The following RYR1 variants were observed in gnomAD, a reference collection of about 807,000 sequenced individuals.
The protein encoded by RYR1 is central core disease of muscle.
Under a neutral mutation model 583.5 loss-of-function variants are expected in RYR1, and 342 were observed. The observed-to-expected ratio is 0.59, with a 90% CI of 0.54 to 0.64. The LOEUF (loss-of-function observed/expected upper bound fraction) is 0.64, where lower values mean the gene tolerates loss of function less well. RYR1 is among the 30% of genes least tolerant of loss of function. The pLI is 0.00. For synonymous variants in RYR1, 2,791 were observed against 2,822.5 expected, an observed-to-expected ratio of 0.99 and a Z score of 0.35; for missense variants, 6,032 against 6,917.2, an observed-to-expected ratio of 0.87 and a Z score of 4.54.
At chr19:38,569,784 A>AGGG (rs1197539718) in intron 93 of RYR1, among the ~76,000 whole-genome samples, 1 of 152,148 alleles carries the variant, frequency 6.6e-6, no homozygotes, top group African/African-American at 2.4e-5. Context: ...AGTAGTGCCC[A>AGGG]CTTCACAGGG....
chr19:38,504,151 G>A, intron 49 of RYR1, 69 bp from the exon 50 acceptor site: 2 of 1,523,494 alleles, frequency 1.3e-6, no homozygotes, highest in Non-Finnish European at 1.8e-6. Flanking sequence ...GTGTCTCTCT[G>A]GGCCTTCGTC....
At chr19:38,544,758 T>C (rs1972351029) in intron 87 of RYR1, among the ~76,000 whole-genome samples, 1 of 152,228 alleles carries the variant, frequency 6.6e-6, no homozygotes, top group African/African-American at 2.4e-5. Context: ...GTTGGTATCC[T>C]AAAATTCTAG....
rs80062847 is a variant in RYR1 at position 38,452,633 on chromosome 19, C to A, written c.1245-186C>A. 1.5e-3 allele frequency among the ~76,000 whole-genome samples: 224 copies of A among 152,302 alleles called. 3 individuals carry two copies. The East Asian group carries it at 0.033, about 23-fold the overall frequency. ...CCCCTGTACCTACACAGGAGCGAGT[C>A]CCAGTCCCAGCTCTGCCCTTGGCCA... On this transcript the variant is annotated intron_variant, in intron 12 of 105. Transcript: ENST00000359596.
Position 38,444,871 on chromosome 19 carries a change from G to A in RYR1, c.631+194G>A, listed in dbSNP as rs186039782. Among the ~76,000 whole-genome samples the A allele has an allele frequency of 2.8e-5, 4 of 143,856 alleles. No homozygotes were observed. The highest frequency in any genetic ancestry group is 7.0e-5 in the Admixed American group (1 of 14,228). 94.4% of individuals were successfully genotyped at this position (143,856 alleles called of 152,430 possible). Reference sequence around the variant, plus strand: ...AGAGCTCAGAACCCCCCCAAACCCCGAACTAAATATCAGGCTCCCAAACTT... The same window carrying A: ...AGAGCTCAGAACCCCCCCAAACCCCAAACTAAATATCAGGCTCCCAAACTT... On this transcript the variant is annotated intron_variant, in intron 7 of 105. Transcript: ENST00000359596. The surrounding 1 kb of genome is among the most constrained non-coding windows in gnomAD (Gnocchi z 5.1).
intron 1 of RYR1, among the ~76,000 whole-genome samples, chr19:38,436,006 T>C (rs1328411156): frequency 6.6e-6 from 1 of 151,408 alleles, no homozygotes; most frequent in African/African-American, 2.5e-5. Flanking sequence ...CCTCCTGGGT[T>C]CAAGCGATTC....
At chr19:38,466,043 G>C (rs1368210230) in intron 23 of RYR1, 48 bp from the exon 24 acceptor site, 1 of 1,556,450 alleles carries the variant, frequency 6.4e-7, no homozygotes, top group Admixed American at 1.8e-5. Context: ...GCAGAGCCCG[G>C]AAGTGGAGGT....
intron 83 of RYR1, 97 bp downstream of exon 83, chr19:38,536,864 G>T: frequency 7.7e-7 from 1 of 1,304,932 alleles, no homozygotes; most frequent in Non-Finnish European, 1.1e-6. Flanking sequence ...CTGGGACGTG[G>T]AGGGGAGGGA....
chr19:38,483,386 G>T lies in RYR1; in HGVS notation c.4804G>T (p.Val1602Leu). The T allele has an allele frequency of 6.4e-7, 1 of 1,567,722 alleles. No homozygotes were observed. The highest frequency in any genetic ancestry group is 2.3e-5 in the East Asian group (1 of 42,812). Residue 1602 changes from valine (V) to leucine (L), a missense_variant, in exon 33 of 106, where the codon GTG (valine) becomes TTG (leucine). Around this residue, in one of 11 missense-constraint regions of RYR1, gnomAD observed 2,627 missense variants for 2,961.3 expected, o/e 0.89. Coordinates refer to ENST00000359596, the MANE Select transcript of RYR1 (RefSeq NM_000540.3). This position sits in a 1 kb window ranked among gnomAD's most constrained non-coding sequence, Gnocchi z 6.3. The part of the protein sequence containing the change: ...PRLEMQMLMP[V>L]SWSRMPNHFL... Reference sequence around the variant, plus strand: ...GCTGGAGATGCAGATGCTGATGCCAGTGTCCTGGAGCCGCATGCCCAACCA... The same window carrying T: ...GCTGGAGATGCAGATGCTGATGCCATTGTCCTGGAGCCGCATGCCCAACCA...
At chr19:38,498,638 A>G (rs1969954668) in intron 42 of RYR1, among the ~76,000 whole-genome samples, 1 of 152,212 alleles carries the variant, frequency 6.6e-6, no homozygotes, top group East Asian at 1.9e-4. Flanking sequence ...TAGCATAACA[A>G]GGGGTGGATT....
intron 89 of RYR1, among the ~76,000 whole-genome samples, chr19:38,549,030 A>G (rs1250927988): frequency 6.6e-6 from 1 of 152,192 alleles, no homozygotes; most frequent in Admixed American, 6.5e-5. Context: ...TTCTCTGTGT[A>G]GGGCCTGTAG....
At chr19:38,466,028 A>G in intron 23 of RYR1, 63 bp from the exon 24 acceptor site, 1 of 1,483,654 alleles carries the variant, frequency 6.7e-7, no homozygotes, top group Non-Finnish European at 9.2e-7. Flanking sequence ...GGGATCCCAT[A>G]TAGTGCAGAG....
chr19:38,440,860 C>A lies in RYR1; in HGVS notation c.161C>A (p.Ala54Glu), dbSNP rs1032364286. The A allele has an allele frequency of 9.9e-6, 16 of 1,611,950 alleles. No individual in the cohort carries two copies. The highest frequency in any genetic ancestry group is 1.7e-5 in the Admixed American group (1 of 59,830). Residue 54 changes from alanine (A) to glutamate (E), a missense_variant, in exon 2 of 106, where the codon GCG becomes GAG. Ala to Glu is a moderately radical substitution (Grantham distance 107). This residue lies in a region of RYR1 where 71 missense variants were observed against 75.3 expected (regional missense o/e 0.94). Transcript: ENST00000359596. The part of the protein sequence containing the change: ...RLCFLEPTSN[A>E]QNVPPDLAIC... ...TGCTTCCTGGAGCCCACTAGCAACG[C>A]GCAGGTCTGTGCAGGAGGGAGAGGG...
Position 38,580,494 on chromosome 19 carries a change from A to G in RYR1, c.14636A>G (p.Asp4879Gly). The G allele has an allele frequency of 1.2e-6, 2 of 1,614,074 alleles. No individual in the cohort carries two copies. Among genetic ancestry groups the G allele is most frequent in the Non-Finnish European group, 1.7e-6 (2 of 1,180,006 alleles). ...DEDEPDMKCD[D>G]MMTCYLFHMY... ...GATGAACCTGACATGAAGTGTGATGACATGATGACGGTGAGCCCCTCCCCT... is the reference window on the plus strand; with the variant it reads ...GATGAACCTGACATGAAGTGTGATGGCATGATGACGGTGAGCCCCTCCCCT... Residue 4879 changes from aspartate to glycine, a missense_variant, in exon 101 of 106, where the codon GAC becomes GGC. Asp to Gly is a moderately conservative substitution (Grantham distance 94, BLOSUM62 -1). Around this residue, in one of 11 missense-constraint regions of RYR1, gnomAD observed 189 missense variants for 350.3 expected, o/e 0.54. Transcript: ENST00000359596.
At chr19:38,441,000 AAG>A (rs1008446032) in intron 2 of RYR1, 136 bp downstream of exon 2, 95 of 807,372 alleles carry the variant, frequency 1.2e-4, no homozygotes, top group Non-Finnish European at 1.6e-4. Flanking sequence ...GGCTAAGGCT[AAG>A]AGGGGCTACC....
chr19:38,469,251 C>T, intron 26 of RYR1, 54 bp from the exon 27 acceptor site: 1 of 1,608,544 alleles, frequency 6.2e-7, no homozygotes, highest in Non-Finnish European at 8.5e-7. Flanking sequence ...CCCCTCGGCT[C>T]CCTCTGCCCT....
chr19:38,497,728 C>T (rs1969911156), intron 42 of RYR1, among the ~76,000 whole-genome samples: 1 of 152,170 alleles, frequency 6.6e-6, no homozygotes, highest in African/African-American at 2.4e-5. Flanking sequence ...AATCCCAGCA[C>T]TTTGGGAGGC....
In RYR1 at chr19:38,534,789, A is replaced by G. The variant is rs767480684; in HGVS notation, c.11329A>G (p.Met3777Val). The G allele has an allele frequency of 5.1e-5, 82 of 1,613,434 alleles. No homozygotes were observed. The highest frequency in any genetic ancestry group is 6.9e-5 in the Non-Finnish European group (81 of 1,179,884). ...GCTGCACACCCGGGGGGCGGCCGAGATGGTGCTGCAGATGATCAGTGCCTG... is the reference window on the plus strand; with the variant it reads ...GCTGCACACCCGGGGGGCGGCCGAGGTGGTGCTGCAGATGATCAGTGCCTG... ...ARLHTRGAAE[M>V]VLQMISACKG... is the part of the protein sequence containing the mutation. The change falls in exon 79 of 106, where the codon ATG (methionine) becomes GTG (valine). Residue 3777 changes from methionine to valine, a missense_variant. Met to Val is a conservative substitution (Grantham distance 21). Around this residue, in one of 11 missense-constraint regions of RYR1, gnomAD observed 1,493 missense variants for 1,715.5 expected, o/e 0.87. Transcript: ENST00000359596.
rs945267313 is a variant in RYR1, at chr19:38,465,955, A to G, written c.2871-136A>G. ...ATCTCAAAACTTATTCTAAAATTTC[A>G]TAGAACTGCAACATTATATCAAAGG... On this transcript the variant is annotated intron_variant, in intron 23 of 105. Coordinates refer to ENST00000359596, the MANE Select transcript of RYR1 (RefSeq NM_000540.3). The G allele has an allele frequency of 1.9e-5, 16 of 854,908 alleles. No homozygotes were observed. The Admixed American group carries it at 2.7e-4, about 14-fold the overall frequency. The allele number at this position is 854,908 out of a possible 1,614,324, so 53.0% of individuals were successfully genotyped here.
rs1967518879 is a variant in RYR1 at position 38,458,132 on chromosome 19, G to A, written c.2007G>A (p.Glu669=). 1.9e-6 allele frequency: 3 copies of A among 1,614,044 alleles called. No individual in the cohort carries two copies. The highest frequency in any genetic ancestry group is 1.7e-6 in the Non-Finnish European group (2 of 1,180,040). ...SKWYFEVMVD[E]VTPFLTAQAT... ...GGTACTTTGAGGTGATGGTGGACGA[G>A]GTGACTCCATTTCTGACAGCTCAGG... The change falls in exon 18 of 106, where the codon GAG becomes GAA. Residue 669 remains glutamate, a synonymous_variant. Transcript: ENST00000359596.
Sources: allele counts gnomAD v4.1 joint callset (sites outside exome capture counted in the v4.1 genomes callset), GRCh38; gene constraint gnomAD v4.1.1; regional missense constraint gnomAD v4.1.1; non-coding constraint Gnocchi (gnomAD v3.1); transcripts MANE v1.5; gene names NCBI Gene and HGNC (gene_info 2026-07-23, HGNC 2026-07-21).